The following CALN1 variants were observed in gnomAD, a reference collection of about 807,000 sequenced individuals.
CALN1 encodes the protein calneuron 1.
In CALN1, 17 loss-of-function variants were observed where a neutral mutation model predicts 30.6. That is an observed-to-expected ratio of 0.56 (90% confidence interval 0.38 to 0.83). The LOEUF (loss-of-function observed/expected upper bound fraction) is 0.83. CALN1 is among the 40% of genes least tolerant of loss of function. The probability of loss-of-function intolerance (pLI) is 0.00; values close to 1 mark genes in which losing one functional copy is unlikely to be tolerated. For synonymous variants in CALN1, 156 were observed against 131.4 expected (o/e 1.19, Z -1.28); for missense variants, 291 against 354.9 (o/e 0.82, Z 1.45).
In CALN1 at chr7:71,948,645, C is replaced by T. The variant is rs576744632; in HGVS notation, c.501+75012G>A. Among the ~76,000 whole-genome samples the T allele has an allele frequency of 1.6e-4, 24 of 151,082 alleles. No homozygotes were observed. The South Asian group carries it at 4.4e-3, about 28-fold the overall frequency. ...ACTTGGGAGGCTGAGGCATGAGAAT[C>T]GCTTGAACACAGGAGGTAGAGATTG... On this transcript the variant is annotated intron_variant, in intron 5 of 6. Coordinates refer to ENST00000395275, the MANE Select transcript of CALN1 (RefSeq NM_031468.4).
At chr7:72,443,761 G>T (rs1216807718) in intron 1 of CALN1, among the ~76,000 whole-genome samples, 1 of 151,824 alleles carries the variant, frequency 6.6e-6, no homozygotes, top group Non-Finnish European at 1.5e-5. Context: ...TCTCACGTGG[G>T]TTCCTCCAAC....
rs754111197 is a variant in CALN1 at position 72,337,227 on chromosome 7, G to A, written c.120-58417C>T. 633 of 985,110 alleles carry A rather than the reference G, an allele frequency of 6.4e-4. 1 individual carries two copies. The highest frequency in any genetic ancestry group is 7.4e-4 in the Non-Finnish European group (611 of 829,850). The allele number at this position is 985,110 out of a possible 1,614,324, so 61.0% of individuals were successfully genotyped here. A position where few individuals can be genotyped will look rare whatever the true frequency, so the allele number is the denominator to read the frequency against. On this transcript the variant is annotated intron_variant, in intron 2 of 6. Transcript: ENST00000395275. ...ATCCCCCAGGGCCTTGCCGCCGACA[G>A]CACCACACTCCTCGCTCTGCCGGCG...
At chr7:72,487,912 A>AGC in the CALN1 span, among the ~76,000 whole-genome samples, 1 of 81,588 alleles carries the variant, frequency 1.2e-5, no homozygotes, top group African/African-American at 5.8e-5. Context: ...GAAAGAAAGA[A>AGC]AGAAAGAAGG....
intron 2 of CALN1, among the ~76,000 whole-genome samples, chr7:72,346,341 A>G (rs1391014341): frequency 6.6e-6 from 1 of 152,092 alleles, no homozygotes; most frequent in African/African-American, 2.4e-5. Flanking sequence ...AATTATATCC[A>G]TATTTCTAAG....
At chr7:72,321,008 A>G (rs1800841148) in intron 2 of CALN1, among the ~76,000 whole-genome samples, 1 of 152,154 alleles carries the variant, frequency 6.6e-6, no homozygotes, top group African/African-American at 2.4e-5. Flanking sequence ...GTTATTGAAA[A>G]GATTAAATGA....
chr7:72,116,816 G>A (rs1384422835), intron 3 of CALN1, among the ~76,000 whole-genome samples: 2 of 152,146 alleles, frequency 1.3e-5, no homozygotes, highest in African/African-American at 4.8e-5. Context: ...GGTTTATTCT[G>A]AGCCAATATG....
At chr7:72,321,199 T>C (rs1800855142) in intron 2 of CALN1, among the ~76,000 whole-genome samples, 2 of 152,174 alleles carry the variant, frequency 1.3e-5, no homozygotes, top group African/African-American at 4.8e-5. Flanking sequence ...TTTGAGTCCT[T>C]GAGTTTCGCA....
At chr7:72,060,077 G>C (rs917211) in intron 4 of CALN1, among the ~76,000 whole-genome samples, 32,151 of 152,134 alleles carry the variant, frequency 0.21, 4,288 homozygotes, top group Middle Eastern at 0.33. Context: ...ATTGGTGTGG[G>C]TGGTGAGAGC....
At chr7:72,292,380 G>A (rs558783069) in intron 2 of CALN1, among the ~76,000 whole-genome samples, 96 of 150,948 alleles carry the variant, frequency 6.4e-4, no homozygotes, top group African/African-American at 2.0e-4. Context: ...GAGGACATTC[G>A]TGAGGATTCC....
At chr7:72,271,559 C>T (rs1171983647) in intron 3 of CALN1, among the ~76,000 whole-genome samples, 1 of 29,114 alleles carries the variant, frequency 3.4e-5, no homozygotes, top group Non-Finnish European at 5.1e-5. Flanking sequence ...ACTGTGCCTG[C>T]CTTTTAAAAA....
the CALN1 span, among the ~76,000 whole-genome samples, chr7:72,488,557 C>G: frequency 1.3e-5 from 2 of 152,128 alleles, no homozygotes; most frequent in Non-Finnish European, 2.9e-5. Flanking sequence ...CCACAGAGTA[C>G]TTACTAACCC....
chr7:71,913,267 C>A (rs981636766), intron 5 of CALN1, among the ~76,000 whole-genome samples: 1 of 152,180 alleles, frequency 6.6e-6, no homozygotes, highest in African/African-American at 2.4e-5. Context: ...CAGTAAGTCA[C>A]TTCTACTGTG....
chr7:72,416,797 G>T (rs1025672909), upstream of CALN1, among the ~76,000 whole-genome samples: 1 of 149,034 alleles, frequency 6.7e-6, no homozygotes, highest in African/African-American at 2.5e-5. Flanking sequence ...GCTTCATCCC[G>T]ATTTGGGGAC....
intron 5 of CALN1, among the ~76,000 whole-genome samples, chr7:71,911,604 G>T (rs1794427651): frequency 6.6e-6 from 1 of 152,182 alleles, no homozygotes; most frequent in Admixed American, 6.5e-5. Context: ...AACTTCAGGA[G>T]CTGGGCAGAG....
chr7:72,400,578 A>G (rs939399934), intron 2 of CALN1, among the ~76,000 whole-genome samples: 2 of 152,194 alleles, frequency 1.3e-5, no homozygotes, highest in Non-Finnish European at 2.9e-5. Flanking sequence ...CGAGATTAAG[A>G]AGGAATCAAG....
At chr7:72,408,795 A>C (rs887354966) in intron 1 of CALN1, among the ~76,000 whole-genome samples, 1 of 143,596 alleles carries the variant, frequency 7.0e-6, no homozygotes, top group Non-Finnish European at 1.5e-5. Context: ...TGCCACCTCC[A>C]GTCCCCTCAG....
At chr7:72,035,979 G>A (rs1486717189) in intron 4 of CALN1, among the ~76,000 whole-genome samples, 3 of 152,130 alleles carry the variant, frequency 2.0e-5, no homozygotes, top group Non-Finnish European at 4.4e-5. Context: ...TCTAGTGTCC[G>A]TAAATTTCAG....
At chr7:72,499,889 CTTTCTTTCTTTCTTTCTTTCTT>C in the CALN1 span, among the ~76,000 whole-genome samples, 3 of 46,086 alleles carry the variant, frequency 6.5e-5, no homozygotes, top group Admixed American at 2.4e-4. Context: ...TTCTTTCTTT[CTTTCTTTCTTTCTTTCTTTCTT>C]TCTATCTTTC....
intron 1 of CALN1, among the ~76,000 whole-genome samples, chr7:72,418,633 T>G (rs930823359): frequency 6.6e-6 from 1 of 151,900 alleles, no homozygotes; most frequent in Non-Finnish European, 1.5e-5. Flanking sequence ...CCGGCTCACA[T>G]AGGGCTCCTG....
Sources: gnomAD v4.1 joint callset for allele counts (sites outside exome capture counted in the v4.1 genomes callset) on GRCh38, gnomAD v4.1.1 for gene constraint, MANE v1.5 for transcripts, NCBI Gene and HGNC (gene_info 2026-07-23, HGNC 2026-07-21) for gene names.